The following RAB11FIP1 variants were observed in gnomAD, a reference collection of about 807,000 sequenced individuals.
RAB11FIP1 encodes the protein rab11 family-interacting protein 1.
RAB11FIP1 carries 49 observed loss-of-function variants against 83.1 expected under a neutral mutation model. That is an observed-to-expected ratio of 0.59 (90% CI 0.47 to 0.75). The LOEUF is 0.75. RAB11FIP1 is among the 30% of genes least tolerant of loss of function. The probability of loss-of-function intolerance (pLI) is 0.00; values close to 1 mark genes in which losing one functional copy is unlikely to be tolerated. For missense variants in RAB11FIP1, 1,536 were observed against 1,598.7 expected (o/e 0.96, Z 0.67); for synonymous variants, 670 against 656.0 (o/e 1.02, Z -0.33).
chr8:37,871,251 A>G, intron 4 of RAB11FIP1, 27 bp downstream of exon 4: 1 of 1,574,742 alleles, frequency 6.4e-7, no homozygotes, highest in Non-Finnish European at 8.6e-7. Context: ...GCTCACATTT[A>G]CATAGACAAT....
At chr8:37,869,062 T>C (rs897314280) in intron 5 of RAB11FIP1, among the ~76,000 whole-genome samples, 4 of 151,682 alleles carry the variant, frequency 2.6e-5, no homozygotes, top group Admixed American at 6.6e-5. Context: ...ACCTCATCTC[T>C]ACAAAAAATA....
At position 37,871,733 on chromosome 8, in the gene RAB11FIP1, C is replaced by A. The variant is rs369801596; in HGVS notation, c.3069G>T (p.Leu1023=). 1.9e-6 allele frequency: 3 copies of A among 1,613,542 alleles called. No homozygotes were observed. The highest frequency in any genetic ancestry group is 1.7e-5 in the Admixed American group (1 of 59,990). Residue 1023 remains leucine, a synonymous_variant, in exon 4 of 6, where the codon CTG becomes CTT. Coordinates refer to ENST00000330843, the MANE Select transcript of RAB11FIP1 (RefSeq NM_001002814.3). The part of the protein sequence containing the change: ...GPSGEADRLV[L]GEGLCDFRLQ... ...GCCTGAAATCACACAGGCCCTCCCC[C>A]AGTACCAACCTATCTGCCTCGCCAC... is the stretch of plus-strand genomic sequence containing the variant.
intron 1 of RAB11FIP1, among the ~76,000 whole-genome samples, chr8:37,894,313 C>T (rs993173626): frequency 3.1e-4 from 47 of 152,242 alleles, no homozygotes; most frequent in African/African-American, 1.1e-3. Context: ...TCCAACTCTC[C>T]CAGAAAAACA....
chr8:37,861,714 G>A lies in RAB11FIP1; in HGVS notation c.*1181C>T, dbSNP rs900869580. The A allele has an allele frequency of 6.4e-5, 24 of 377,700 alleles. No homozygotes were observed. Among genetic ancestry groups the A allele is most frequent in the East Asian group, 2.3e-4 (3 of 13,084 alleles). 23.4% of individuals were successfully genotyped at this position (377,700 alleles called of 1,614,324 possible). A position where few individuals can be genotyped will look rare whatever the true frequency, so the allele number is the denominator to read the frequency against. ...AGCAATTCTCCTGCCCCAGCCTCCC[G>A]AGTAGCTGGGATTACAGGCACGCAC... On this transcript the variant is annotated 3_prime_UTR_variant, in exon 6 of 6. Coordinates refer to ENST00000330843, the MANE Select transcript of RAB11FIP1 (RefSeq NM_001002814.3).
In RAB11FIP1 at chr8:37,872,853, G is replaced by A; in HGVS notation, c.1949C>T (p.Ser650Phe). ...SLTPVPNSGS[S>F]ALGSLFKQPS... Reference sequence around the variant, plus strand: ...CTGTTTGAAAAGTGATCCCAGGGCAGAAGAACCAGAATTTGGAACCGGTGT... The same window carrying A: ...CTGTTTGAAAAGTGATCCCAGGGCAAAAGAACCAGAATTTGGAACCGGTGT... Residue 650 changes from serine to phenylalanine, a missense_variant, in exon 4 of 6, where the codon TCT becomes TTT. Coordinates refer to ENST00000330843, the MANE Select transcript of RAB11FIP1 (RefSeq NM_001002814.3). 2 of 1,614,210 alleles carry A rather than the reference G, an allele frequency of 1.2e-6. No individual in the cohort carries two copies. Among genetic ancestry groups the A allele is most frequent in the South Asian group, 1.1e-5 (1 of 91,088 alleles).
intron 1 of RAB11FIP1, among the ~76,000 whole-genome samples, chr8:37,894,860 C>T (rs138211548): frequency 1.3e-5 from 2 of 150,740 alleles, no homozygotes; most frequent in East Asian, 1.9e-4. Context: ...AGCATTTCTC[C>T]TACCTCAGCC....
chr8:37,876,012 TG>T (rs1294509819), intron 2 of RAB11FIP1, among the ~76,000 whole-genome samples: 4 of 152,030 alleles, frequency 2.6e-5, no homozygotes, highest in African/African-American at 9.7e-5. Flanking sequence ...CTGGTCAACA[TG>T]GTGAAACCCC....
rs150989903 is a variant in RAB11FIP1, at chr8:37,872,936, C to A, written c.1866G>T (p.Gln622His). ...IESWPLVDRG[Q>H]AKSEGPPLLP... is the part of the protein sequence containing the mutation. ...GCAAGGGTGGTCCTTCAGACTTGGC[C>A]TGGCCCCTGTCTACGAGAGGCCAGC... is the stretch of plus-strand genomic sequence containing the variant. Residue 622 changes from glutamine (Q) to histidine (H), a missense_variant, in exon 4 of 6, where the codon CAG (glutamine) becomes CAT (histidine). Coordinates refer to ENST00000330843, the MANE Select transcript of RAB11FIP1 (RefSeq NM_001002814.3). The A allele has an allele frequency of 6.2e-7, 1 of 1,614,224 alleles. No homozygotes were observed. The highest frequency in any genetic ancestry group is 8.5e-7 in the Non-Finnish European group (1 of 1,180,042).
intron 1 of RAB11FIP1, among the ~76,000 whole-genome samples, chr8:37,878,734 T>C (rs1422208679): frequency 1.3e-5 from 2 of 148,586 alleles, no homozygotes; most frequent in African/African-American, 4.9e-5. Flanking sequence ...GCATGGTGGC[T>C]CACACCTGTA....
At chr8:37,888,145 C>T (rs1018295614) in intron 1 of RAB11FIP1, among the ~76,000 whole-genome samples, 5 of 152,184 alleles carry the variant, frequency 3.3e-5, no homozygotes, top group Non-Finnish European at 7.3e-5. Flanking sequence ...CTCATTCTGT[C>T]GCCCAGGCTG....
At position 37,871,864 on chromosome 8, in the gene RAB11FIP1, C is replaced by A. The variant is rs201662423; in HGVS notation, c.2938G>T (p.Asp980Tyr). ...GTCTCTCCATCATCTTCAACCTGAT[C>A]TCCGTCATCTTCAACCTGATCTATT... Reference protein sequence around the residue: ...ERIDQVEDDGDQVEDDGETAK... With the variant: ...ERIDQVEDDGYQVEDDGETAK... The change falls in exon 4 of 6, where the codon GAT becomes TAT. Residue 980 changes from aspartate to tyrosine, a missense_variant. Coordinates refer to ENST00000330843, the MANE Select transcript of RAB11FIP1 (RefSeq NM_001002814.3). The A allele has an allele frequency of 2.2e-5, 35 of 1,614,090 alleles. No individual in the cohort carries two copies. In the East Asian group the frequency reaches 7.4e-4, roughly 34 times the overall value.
chr8:37,872,239 C>G lies in RAB11FIP1; in HGVS notation c.2563G>C (p.Glu855Gln), dbSNP rs778160353. 2 of 1,613,948 alleles carry G rather than the reference C, an allele frequency of 1.2e-6. No individual in the cohort carries two copies. The highest frequency in any genetic ancestry group is 2.7e-5 in the African/African-American group (2 of 74,912). ...AGNASDGEPP[E>Q]SPHAEDSERE... ...TCTGAGTCCTCTGCGTGGGGAGACT[C>G]AGGAGGCTCTCCGTCAGACGCGTTT... The change falls in exon 4 of 6, where the codon GAG (glutamate) becomes CAG (glutamine). Residue 855 changes from glutamate to glutamine, a missense_variant. Glu to Gln is a conservative substitution (Grantham distance 29). Coordinates refer to ENST00000330843, the MANE Select transcript of RAB11FIP1 (RefSeq NM_001002814.3).
intron 1 of RAB11FIP1, 99 bp downstream of exon 1, chr8:37,898,972 T>C: frequency 7.9e-7 from 1 of 1,264,510 alleles, no homozygotes; most frequent in South Asian, 1.7e-5. Flanking sequence ...CCTTCCCCGC[T>C]GCTGCCCGGC....
At chr8:37,868,477 A>G (rs1389767643) in intron 5 of RAB11FIP1, among the ~76,000 whole-genome samples, 1 of 152,176 alleles carries the variant, frequency 6.6e-6, no homozygotes, top group Non-Finnish European at 1.5e-5. Context: ...ATGGGACTGT[A>G]AAATATATGA....
chr8:37,872,092 A>AGCTT lies in RAB11FIP1; in HGVS notation c.2706_2709dup (p.Ser904LysfsTer10), dbSNP rs1313970792. 1 of 1,613,932 alleles carries AGCTT rather than the reference A, an allele frequency of 6.2e-7. No individual in the cohort carries two copies. Among genetic ancestry groups the AGCTT allele is most frequent in the South Asian group, 1.1e-5 (1 of 91,074 alleles). On this transcript the variant is annotated frameshift_variant, in exon 4 of 6. Coordinates refer to ENST00000330843, the MANE Select transcript of RAB11FIP1 (RefSeq NM_001002814.3). LOFTEE classifies it high-confidence loss of function. ...CTAAAGAGTGGAGTGTCTTTCGCTG[A>AGCTT]GCTTGCTTCACTCATGGGGACTTCG...
At chr8:37,879,123 C>G (rs1806684093) in intron 1 of RAB11FIP1, among the ~76,000 whole-genome samples, 1 of 152,144 alleles carries the variant, frequency 6.6e-6, no homozygotes, top group Non-Finnish European at 1.5e-5. Context: ...GCCTGGCCAA[C>G]ATGGCGAAAC....
At chr8:37,879,391 T>C (rs1806690160) in intron 1 of RAB11FIP1, among the ~76,000 whole-genome samples, 1 of 152,158 alleles carries the variant, frequency 6.6e-6, no homozygotes, top group African/African-American at 2.4e-5. Context: ...TATGTGAGGT[T>C]CCTGGGTTAG....
Position 37,862,538 on chromosome 8 carries a change from T to G in RAB11FIP1, c.*357A>C, listed in dbSNP as rs1248688880. 5.3e-6 allele frequency: 1 copy of G among 189,720 alleles called. No homozygotes were observed. Among genetic ancestry groups the G allele is most frequent in the Admixed American group, 5.4e-5 (1 of 18,476 alleles). The allele number at this position is 189,720 out of a possible 1,614,324, so 11.8% of individuals were successfully genotyped here. On this transcript the variant is annotated 3_prime_UTR_variant, in exon 6 of 6. Coordinates refer to ENST00000330843, the MANE Select transcript of RAB11FIP1 (RefSeq NM_001002814.3). ...CTGGAGGATACATACTGAAAAAAAA[T>G]CTCAGTATGAAAGAAAGAAAACCCC...
In RAB11FIP1 at chr8:37,871,699, G is replaced by T. The variant is rs1268754404; in HGVS notation, c.3103C>A (p.Pro1035Thr). ...EGLCDFRLQA[P>T]QASVTAPSEQ... The stretch of plus-strand genomic sequence containing the variant: ...GAAGGAGCTGTCACAGATGCCTGGG[G>T]TGCTTGCAGCCTGAAATCACACAGG... The change falls in exon 4 of 6, where the codon CCC becomes ACC. Residue 1035 changes from proline (P) to threonine (T), a missense_variant. By Grantham distance (38) the Pro-to-Thr change is conservative (BLOSUM62 -1). Transcript: ENST00000330843. The T allele has an allele frequency of 6.2e-7, 1 of 1,613,712 alleles. No homozygotes were observed. The highest frequency in any genetic ancestry group is 8.5e-7 in the Non-Finnish European group (1 of 1,180,026).
Sources: allele counts gnomAD v4.1 joint callset (sites outside exome capture counted in the v4.1 genomes callset), GRCh38; gene constraint gnomAD v4.1.1; transcripts MANE v1.5; gene names NCBI Gene and HGNC (gene_info 2026-07-23, HGNC 2026-07-21).